TRPM3: variants seen among roughly 807,000 people sequenced by gnomAD.
The protein encoded by TRPM3 is long transient receptor potential channel 3.
A neutral mutation model predicts 181.2 loss-of-function variants in TRPM3; 77 were observed. The ratio of observed to expected loss-of-function variants is 0.42; its 90% confidence interval spans 0.35 to 0.51. TRPM3 has a LOEUF of 0.51. Ranked by LOEUF, TRPM3 falls within the 20% of genes least tolerant of loss-of-function variation. TRPM3 has a pLI of 0.01. For missense variants in TRPM3, 1,759 were observed against 2,196.7 expected (o/e 0.80, Z 3.98); for synonymous variants, 745 against 796.4 (o/e 0.94, Z 1.09).
At chr9:71,194,038 T>G (rs1027480865) in intron 1 of TRPM3, among the ~76,000 whole-genome samples, 2 of 151,996 alleles carry the variant, frequency 1.3e-5, no homozygotes, top group Non-Finnish European at 2.9e-5. Flanking sequence ...ATAGGTGATG[T>G]TGACATTTGT....
chr9:71,322,573 A>T (rs2089326963), intron 1 of TRPM3, among the ~76,000 whole-genome samples: 1 of 152,118 alleles, frequency 6.6e-6, no homozygotes, highest in Admixed American at 6.6e-5. Flanking sequence ...AATGTCAAAT[A>T]CTGTTTCACG....
intron 1 of TRPM3, among the ~76,000 whole-genome samples, chr9:71,215,033 CAAAAAAAAAAAAACAAAA>C (rs1303134119): frequency 9.4e-6 from 1 of 105,858 alleles, no homozygotes; most frequent in East Asian, 2.6e-4. Flanking sequence ...CACCAAAAAA[CAAAAAAAAAAAAACAAAA>C]AAAAAAAAAA....
chr9:71,006,240 T>G (rs2097671997), intron 1 of TRPM3, among the ~76,000 whole-genome samples: 1 of 151,922 alleles, frequency 6.6e-6, no homozygotes, highest in Non-Finnish European at 1.5e-5. Flanking sequence ...AGAAAATCAC[T>G]TAACTACATC....
chr9:71,275,607 C>A (rs2084142303), intron 1 of TRPM3, among the ~76,000 whole-genome samples: 1 of 152,026 alleles, frequency 6.6e-6, no homozygotes, highest in African/African-American at 2.4e-5. Context: ...AATAGTTATA[C>A]ATACTAATTA....
chr9:71,092,628 C>T (rs1220212790), intron 1 of TRPM3, among the ~76,000 whole-genome samples: 2 of 152,100 alleles, frequency 1.3e-5, no homozygotes, highest in African/African-American at 2.4e-5. Context: ...ATTAGGTATT[C>T]AATTTCTTCC....
intron 1 of TRPM3, among the ~76,000 whole-genome samples, chr9:71,351,276 A>C (rs557726910): frequency 6.6e-6 from 1 of 152,340 alleles, no homozygotes; most frequent in East Asian, 1.9e-4. Context: ...TTAGAAAATC[A>C]GCCTTAGTTT....
chr9:70,887,220 G>C (rs2096103688), intron 1 of TRPM3, among the ~76,000 whole-genome samples: 1 of 152,116 alleles, frequency 6.6e-6, no homozygotes, highest in South Asian at 2.1e-4. Context: ...AGTTTAGGTT[G>C]TTTCAGGTTT....
chr9:71,204,442 G>C (rs1372449874), intron 1 of TRPM3, among the ~76,000 whole-genome samples: 1 of 152,192 alleles, frequency 6.6e-6, no homozygotes, highest in Admixed American at 6.5e-5. Context: ...CATTTATGCA[G>C]CCAAAAGACA....
chr9:71,416,510 C>T (rs1192337155), intron 1 of TRPM3, among the ~76,000 whole-genome samples: 8 of 151,668 alleles, frequency 5.3e-5, no homozygotes, highest in Non-Finnish European at 8.8e-5. Context: ...AGCTGGTTTC[C>T]TGGATAATGT....
intron 1 of TRPM3, among the ~76,000 whole-genome samples, chr9:71,272,440 G>A (rs2132135457): frequency 6.6e-6 from 1 of 152,150 alleles, no homozygotes; most frequent in African/African-American, 2.4e-5. Context: ...TTTTCCTACA[G>A]AAATACCAGG....
chr9:70,930,381 C>A (rs1398040961), intron 1 of TRPM3, among the ~76,000 whole-genome samples: 5 of 152,150 alleles, frequency 3.3e-5, no homozygotes, highest in African/African-American at 1.2e-4. Context: ...TAGGATTCAG[C>A]ATGTCATAAA....
Position 70,598,301 on chromosome 9 carries a change from C to T in TRPM3, c.3048+118G>A, listed in dbSNP as rs370521397. ...AAAAGGAATTCATAAAATAAAACAC[C>T]TCTAGGGCCATCTCATTTAGACTTT... On this transcript the variant is annotated intron_variant, in intron 21 of 25. Transcript: ENST00000677713. 1.1e-3 allele frequency: 1,467 copies of T among 1,364,838 alleles called. 27 individuals carry two copies. The South Asian group carries it at 0.018, about 17-fold the overall frequency. 84.5% of individuals were successfully genotyped at this position (1,364,838 alleles called of 1,614,324 possible).
At chr9:70,972,895 A>T (rs1227284197) in intron 1 of TRPM3, among the ~76,000 whole-genome samples, 19 of 152,152 alleles carry the variant, frequency 1.2e-4, no homozygotes, top group Admixed American at 1.2e-3. Context: ...GATTGACATT[A>T]CCCACAATTT....
At chr9:71,101,425 G>A (rs2068356468) in intron 1 of TRPM3, among the ~76,000 whole-genome samples, 1 of 152,132 alleles carries the variant, frequency 6.6e-6, no homozygotes, top group Non-Finnish European at 1.5e-5. Context: ...TGATTATTAA[G>A]ACTGTTTCTA....
At position 71,223,739 on chromosome 9, in the gene TRPM3, G is replaced by C. The variant is rs147363769; in HGVS notation, c.183+222914C>G. On this transcript the variant is annotated intron_variant, in intron 1 of 24. Coordinates refer to the TRPM3 transcript ENST00000357533. ...CAATCTGACTGAAGAATCCTTGGGGGATACCCTGGCACACTCCCTGTAGGC... is the reference window on the plus strand; with the variant it reads ...CAATCTGACTGAAGAATCCTTGGGGCATACCCTGGCACACTCCCTGTAGGC... 3.1e-3 allele frequency among the ~76,000 whole-genome samples: 478 copies of C among 152,224 alleles called. 2 individuals carry two copies. Among genetic ancestry groups the C allele is most frequent in the African/African-American group, 0.011 (445 of 41,552 alleles).
At chr9:71,005,861 C>T (rs75191401) in intron 1 of TRPM3, among the ~76,000 whole-genome samples, 2,264 of 152,180 alleles carry the variant, frequency 0.015, 39 homozygotes, top group African/African-American at 0.052. Context: ...AGTAAGAATA[C>T]AGACAAATTC....
intron 7 of TRPM3, among the ~76,000 whole-genome samples, chr9:70,772,314 C>T (rs370711520): frequency 3.0e-3 from 331 of 108,772 alleles, no homozygotes; most frequent in Non-Finnish European, 4.8e-3. Context: ...TCTGTCATCA[C>T]AGAGAGTATT....
At chr9:70,934,551 G>A (rs988601937) in intron 1 of TRPM3, among the ~76,000 whole-genome samples, 1 of 152,198 alleles carries the variant, frequency 6.6e-6, no homozygotes, top group African/African-American at 2.4e-5. Context: ...TTTGCCATGA[G>A]CAGTTCTTAG....
At chr9:70,598,034 G>A (rs1039999964) in intron 21 of TRPM3, among the ~76,000 whole-genome samples, 3 of 152,032 alleles carry the variant, frequency 2.0e-5, no homozygotes, top group African/African-American at 7.3e-5. Context: ...TCTTTTCTGT[G>A]GTTCTGTTGT....
Sources: allele counts gnomAD v4.1 joint callset (sites outside exome capture counted in the v4.1 genomes callset), GRCh38; gene constraint gnomAD v4.1.1; transcripts MANE v1.5; gene names NCBI Gene and HGNC (gene_info 2026-07-23, HGNC 2026-07-21).